LRGUK: variants seen among roughly 807,000 people sequenced by gnomAD.
The protein encoded by LRGUK is leucine-rich repeat and guanylate kinase domain-containing protein.
A neutral mutation model predicts 76.0 loss-of-function variants in LRGUK; 65 were observed. That is an observed-to-expected ratio of 0.85 (90% CI 0.70 to 1.05). The LOEUF (loss-of-function observed/expected upper bound fraction) is 1.05. LRGUK is among the 50% of genes least tolerant of loss of function. LRGUK has a pLI of 0.00. For missense variants in LRGUK, 758 were observed against 732.8 expected (o/e 1.03, Z -0.40); for synonymous variants, 268 against 265.6 (o/e 1.01, Z -0.09).
In LRGUK at chr7:134,167,819, T is replaced by C. The variant is rs1253663712; in HGVS notation, c.939+4279T>C. ...CATTTAAGCCTCTGGCAAACTCTCA[T>C]GAAAAAAGGCCTCTGACCCCGTCTG... On this transcript the variant is annotated intron_variant, in intron 7 of 15. Coordinates refer to ENST00000645682, the Ensembl canonical transcript of LRGUK. Among the ~76,000 whole-genome samples, 5 of 152,292 alleles carry C rather than the reference T, an allele frequency of 3.3e-5. No individual in the cohort carries two copies. The East Asian group carries it at 9.6e-4, about 29-fold the overall frequency.
intron 18 of LRGUK, among the ~76,000 whole-genome samples, chr7:134,253,591 G>T (rs1802498630): frequency 6.6e-6 from 1 of 152,186 alleles, no homozygotes; most frequent in Non-Finnish European, 1.5e-5. Flanking sequence ...CAGGAGGGTA[G>T]ATCACTTGAG....
chr7:134,231,325 C>T (rs1037804358), intron 16 of LRGUK, among the ~76,000 whole-genome samples: 4 of 152,138 alleles, frequency 2.6e-5, no homozygotes, highest in African/African-American at 4.8e-5. Context: ...CAGATGAGTT[C>T]CTTCTGTCAT....
At chr7:134,143,155 A>C (rs1426196806) in exon 4 of LRGUK, 2 of 1,591,066 alleles carry the variant, frequency 1.3e-6, no homozygotes, top group East Asian at 4.5e-5. Flanking sequence ...CCACCCAAAA[A>C]CCTCAAGGTA....
intron 5 of LRGUK, 72 bp downstream of exon 5, chr7:134,148,391 T>A: frequency 1.1e-6 from 1 of 878,876 alleles, no homozygotes; most frequent in Non-Finnish European, 1.8e-6. Flanking sequence ...ATTCAAGAAT[T>A]GTATTAGATT....
intron 16 of LRGUK, among the ~76,000 whole-genome samples, chr7:134,232,248 A>G (rs558042587): frequency 6.6e-6 from 1 of 152,084 alleles, no homozygotes; most frequent in East Asian, 1.9e-4. Context: ...CCCCAGTATT[A>G]CTGACTTCCA....
intron 2 of LRGUK, 88 bp from the exon 3 acceptor site, chr7:134,139,348 G>T: frequency 1.2e-6 from 1 of 804,812 alleles, no homozygotes; most frequent in Non-Finnish European, 2.0e-6. Context: ...AGAAATTCTG[G>T]ATTTCTTTCC....
exon 19 of LRGUK, chr7:134,258,264 G>T (rs1359547942): frequency 1.2e-6 from 2 of 1,613,808 alleles, no homozygotes; most frequent in East Asian, 2.2e-5. Flanking sequence ...CAGTGGGAAG[G>T]ATTCCTTGGT....
intron 7 of LRGUK, among the ~76,000 whole-genome samples, chr7:134,173,108 A>T (rs573211900): frequency 6.8e-6 from 1 of 147,500 alleles, no homozygotes; most frequent in Admixed American, 7.4e-5. Context: ...AAAACAATTG[A>T]TCCCTTTTAA....
chr7:134,148,356 A>G lies in LRGUK; in HGVS notation c.670+37A>G, dbSNP rs1798066083. On this transcript the variant is annotated intron_variant, in intron 5 of 15. Transcript: ENST00000645682. Reference sequence around the variant, plus strand: ...ATAAGTAAAGGGGAAAATTTTAAAAACAATATAAAAATTAAAGACTACATA... The same window carrying G: ...ATAAGTAAAGGGGAAAATTTTAAAAGCAATATAAAAATTAAAGACTACATA... 3 of 1,234,286 alleles carry G rather than the reference A, an allele frequency of 2.4e-6. No individual in the cohort carries two copies. In the African/African-American group the frequency reaches 4.6e-5, roughly 19 times the overall value. The allele number at this position is 1,234,286 out of a possible 1,614,324, so 76.5% of individuals were successfully genotyped here. A position where few individuals can be genotyped will look rare whatever the true frequency, so the allele number is the denominator to read the frequency against.
chr7:134,153,923 A>G (rs746971702), intron 5 of LRGUK, among the ~76,000 whole-genome samples: 1 of 152,194 alleles, frequency 6.6e-6, no homozygotes, highest in Non-Finnish European at 1.5e-5. Context: ...ACCATATTTT[A>G]TGATTGTAGA....
chr7:134,247,601 C>G, exon 17 of LRGUK: 1 of 1,613,878 alleles, frequency 6.2e-7, no homozygotes, highest in Non-Finnish European at 8.5e-7. Flanking sequence ...CCGGCAAGCT[C>G]TAATGGGAAG....
rs142203707 is a variant in LRGUK at position 134,157,513 on chromosome 7, A to G, written c.671-522A>G. Among the ~76,000 whole-genome samples the G allele has an allele frequency of 1.7e-3, 260 of 152,320 alleles. 1 individual carries two copies. The highest frequency in any genetic ancestry group is 5.9e-3 in the African/African-American group (247 of 41,578). On this transcript the variant is annotated intron_variant, in intron 5 of 15. Transcript: ENST00000645682. ...TGATTAAATGAGTCAGATACAATCC[A>G]GCACACTCAAAAGCTATGCGTTTTT...
chr7:134,239,008 G>A (rs1468097274), intron 16 of LRGUK, among the ~76,000 whole-genome samples: 4 of 152,054 alleles, frequency 2.6e-5, no homozygotes, highest in Non-Finnish European at 5.9e-5. Flanking sequence ...TCTGAGTGCG[G>A]AGCCTGTCTT....
chr7:134,198,490 G>C (rs1800612423), intron 13 of LRGUK, among the ~76,000 whole-genome samples: 1 of 152,152 alleles, frequency 6.6e-6, no homozygotes, highest in South Asian at 2.1e-4. Flanking sequence ...TCTTCCAACT[G>C]AATTTTTAAA....
At chr7:134,164,025 A>C (rs73439433) in intron 7 of LRGUK, among the ~76,000 whole-genome samples, 20,021 of 152,150 alleles carry the variant, frequency 0.13, 1,660 homozygotes, top group East Asian at 0.32. Context: ...TTTCAGAGAT[A>C]GATTGTATAA....
chr7:134,165,795 C>A (rs1050197126), intron 7 of LRGUK, among the ~76,000 whole-genome samples: 2 of 152,148 alleles, frequency 1.3e-5, no homozygotes, highest in African/African-American at 4.8e-5. Context: ...CAGCACAGAT[C>A]TAGAAATACC....
chr7:134,240,168 C>A (rs533503832), intron 16 of LRGUK, among the ~76,000 whole-genome samples: 192 of 152,326 alleles, frequency 1.3e-3, no homozygotes, highest in African/African-American at 4.4e-3. Flanking sequence ...GAACGCAGCT[C>A]CTTGCCAGCA....
At chr7:134,175,676 G>A (rs1300243909) in intron 8 of LRGUK, among the ~76,000 whole-genome samples, 1 of 151,998 alleles carries the variant, frequency 6.6e-6, no homozygotes, top group African/African-American at 2.4e-5. Context: ...AGTAATTGTG[G>A]TTTTTTTCAT....
chr7:134,136,934 A>G, intron 1 of LRGUK, 89 bp from the exon 2 acceptor site: 1 of 1,132,306 alleles, frequency 8.8e-7, no homozygotes, highest in Non-Finnish European at 1.3e-6. Context: ...GGTATAAAAT[A>G]TACTAAATAA....
Sources: allele counts gnomAD v4.1 joint callset (sites outside exome capture counted in the v4.1 genomes callset), GRCh38; gene constraint gnomAD v4.1.1; transcripts MANE v1.5; gene names NCBI Gene and HGNC (gene_info 2026-07-23, HGNC 2026-07-21).